Variants in PRKG1 observed in about 807,000 individuals in gnomAD.
PRKG1 encodes the protein protein kinase cGMP-dependent 1, also known as cGMP-dependent protein kinase 1.
Under a neutral mutation model 88.1 loss-of-function variants are expected in PRKG1, and 35 were observed. That is an observed-to-expected ratio of 0.40 (90% confidence interval 0.30 to 0.53). The LOEUF is 0.53. PRKG1 is among the 20% of genes least tolerant of loss of function. The pLI, the probability that PRKG1 is intolerant of heterozygous loss-of-function variation, is 0.59. For synonymous variants in PRKG1, 303 were observed against 292.5 expected (o/e 1.04, Z -0.37); for missense variants, 540 against 839.8 (o/e 0.64, Z 4.41).
intron 4 of PRKG1, among the ~76,000 whole-genome samples, chr10:51,878,561 C>A (rs1019147555): frequency 6.6e-6 from 1 of 152,042 alleles, no homozygotes; most frequent in Non-Finnish European, 1.5e-5. Context: ...AAGAAAGGAC[C>A]CTATCCTTAT....
chr10:52,103,624 C>G (rs1225099519), intron 7 of PRKG1, among the ~76,000 whole-genome samples: 1 of 152,082 alleles, frequency 6.6e-6, no homozygotes, highest in African/African-American at 2.4e-5. Context: ...TTCTCATCAA[C>G]AGCAGTCTAT....
chr10:51,753,416 C>G (rs1478270291), intron 3 of PRKG1, among the ~76,000 whole-genome samples: 1 of 152,058 alleles, frequency 6.6e-6, no homozygotes. Context: ...CTGACAAAAT[C>G]AAGTATAGCA....
chr10:51,607,072 C>T (rs561760903), intron 3 of PRKG1, among the ~76,000 whole-genome samples: 1 of 152,276 alleles, frequency 6.6e-6, no homozygotes, highest in Admixed American at 6.5e-5. Flanking sequence ...CCCAGTAATC[C>T]TGAAAGCGAT....
At chr10:51,135,258 A>C (rs1449624595) in intron 1 of PRKG1, among the ~76,000 whole-genome samples, 2 of 152,196 alleles carry the variant, frequency 1.3e-5, no homozygotes, top group Admixed American at 6.5e-5. Flanking sequence ...ATGCCAAGCA[A>C]GATCTGGGAA....
At chr10:51,251,959 G>A (rs1401567698) in intron 2 of PRKG1, among the ~76,000 whole-genome samples, 1 of 151,754 alleles carries the variant, frequency 6.6e-6, no homozygotes. Flanking sequence ...GAAGACTCAA[G>A]CAATAAGTAG....
At chr10:51,252,582 G>A (rs538064633) in intron 2 of PRKG1, among the ~76,000 whole-genome samples, 87 of 149,056 alleles carry the variant, frequency 5.8e-4, no homozygotes, top group African/African-American at 2.2e-3. Context: ...AATAGTGAGA[G>A]TTTGGATTAT....
intron 3 of PRKG1, among the ~76,000 whole-genome samples, chr10:51,685,952 A>T (rs1840978057): frequency 6.6e-6 from 1 of 152,060 alleles, no homozygotes; most frequent in Non-Finnish European, 1.5e-5. Flanking sequence ...CTGGCCCTGA[A>T]AGGAGATCAG....
intron 2 of PRKG1, among the ~76,000 whole-genome samples, chr10:51,409,631 G>A (rs1481404229): frequency 6.6e-6 from 1 of 151,904 alleles, no homozygotes. Flanking sequence ...GAGGAGGGTG[G>A]ATCATGAGGT....
intron 7 of PRKG1, among the ~76,000 whole-genome samples, chr10:52,130,194 A>G (rs1463566130): frequency 6.6e-6 from 1 of 152,126 alleles, no homozygotes; most frequent in Non-Finnish European, 1.5e-5. Context: ...CAGTTTTAAT[A>G]TATGTCACTT....
At chr10:51,748,255 T>G (rs1309715036) in intron 3 of PRKG1, among the ~76,000 whole-genome samples, 2 of 152,232 alleles carry the variant, frequency 1.3e-5, no homozygotes, top group Admixed American at 6.5e-5. Context: ...CATTACATGT[T>G]CTACGTAACT....
intron 9 of PRKG1, among the ~76,000 whole-genome samples, chr10:52,193,563 C>CAAAA (rs67349420): frequency 1.7e-5 from 2 of 118,524 alleles, no homozygotes; most frequent in African/African-American, 6.7e-5. Flanking sequence ...AAAAAAAAAA[C>CAAAA]AAAAAAAAAA....
At chr10:51,442,854 T>C (rs1477449945) in intron 2 of PRKG1, among the ~76,000 whole-genome samples, 1 of 152,044 alleles carries the variant, frequency 6.6e-6, no homozygotes, top group Non-Finnish European at 1.5e-5. Flanking sequence ...TCATTATCTC[T>C]AACAGTTCTG....
chr10:52,289,814 A>G (rs1842200707), intron 16 of PRKG1, among the ~76,000 whole-genome samples: 2 of 152,196 alleles, frequency 1.3e-5, no homozygotes, highest in African/African-American at 4.8e-5. Flanking sequence ...GACACTGTGC[A>G]CTGAATCAGT....
intron 1 of PRKG1, chr10:51,148,218 T>G (rs1433467150): frequency 1.0e-6 from 1 of 984,480 alleles, no homozygotes; most frequent in Non-Finnish European, 1.2e-6. Flanking sequence ...CAATGAAGAC[T>G]TGGATGTCTG....
At chr10:51,503,643 T>A (rs538977041) in intron 3 of PRKG1, among the ~76,000 whole-genome samples, 1 of 152,188 alleles carries the variant, frequency 6.6e-6, no homozygotes, top group South Asian at 2.1e-4. Flanking sequence ...GCAATACATA[T>A]GCACCTGGCT....
intron 4 of PRKG1, among the ~76,000 whole-genome samples, chr10:51,875,879 G>A (rs1229887325): frequency 6.6e-6 from 1 of 151,932 alleles, no homozygotes; most frequent in East Asian, 1.9e-4. Context: ...TTTTGGAATA[G>A]GTAAGTGTTA....
intron 2 of PRKG1, among the ~76,000 whole-genome samples, chr10:51,203,600 G>A (rs1209231567): frequency 5.3e-5 from 8 of 152,198 alleles, no homozygotes; most frequent in Non-Finnish European, 8.8e-5. Flanking sequence ...AAACAGCACT[G>A]TGGAAAGGCT....
At chr10:51,539,484 A>C (rs942558833) in intron 3 of PRKG1, among the ~76,000 whole-genome samples, 15 of 152,194 alleles carry the variant, frequency 9.9e-5, no homozygotes, top group African/African-American at 2.4e-5. Flanking sequence ...ATCTTTTCTC[A>C]GTTAGTGCAA....
intron 8 of PRKG1, among the ~76,000 whole-genome samples, chr10:52,144,603 G>T (rs910726910): frequency 6.6e-6 from 1 of 152,120 alleles, no homozygotes; most frequent in Non-Finnish European, 1.5e-5. Context: ...TTGAGGTCAG[G>T]AGTTCGAGAC....
Sources: gnomAD v4.1 joint callset for allele counts (sites outside exome capture counted in the v4.1 genomes callset) on GRCh38, gnomAD v4.1.1 for gene constraint, MANE v1.5 for transcripts, NCBI Gene and HGNC (gene_info 2026-07-23, HGNC 2026-07-21) for gene names.